Variants in PGM1 observed in about 807,000 individuals in gnomAD.
PGM1 encodes the protein phosphoglucomutase-1.
PGM1 carries 52 observed loss-of-function variants against 55.6 expected under a neutral mutation model. The ratio of observed to expected loss-of-function variants is 0.94; its 90% CI spans 0.75 to 1.18. The LOEUF (loss-of-function observed/expected upper bound fraction) is 1.18. Ranked by LOEUF, PGM1 falls within the 50% of genes most tolerant of loss-of-function variation. The pLI, the probability that PGM1 is intolerant of heterozygous loss-of-function variation, is 0.00. For synonymous variants in PGM1, 287 were observed against 271.7 expected, an observed-to-expected ratio of 1.06 and a Z score of -0.55; for missense variants, 724 against 729.3, an observed-to-expected ratio of 0.99 and a Z score of 0.08.
chr1:63,618,065 C>T (rs2100972596), intron 1 of PGM1, among the ~76,000 whole-genome samples: 1 of 152,288 alleles, frequency 6.6e-6, no homozygotes, highest in South Asian at 2.1e-4. Flanking sequence ...ACCCTGGTTT[C>T]AGAACTATCT....
intron 4 of PGM1, 56 bp from the exon 5 acceptor site, chr1:63,634,773 A>G: frequency 6.9e-7 from 1 of 1,457,890 alleles, no homozygotes. Context: ...ATCCTCACAT[A>G]CTTTAAGGAG....
chr1:63,631,339 T>C (rs1159632131), intron 3 of PGM1, among the ~76,000 whole-genome samples: 1 of 152,236 alleles, frequency 6.6e-6, no homozygotes, highest in East Asian at 1.9e-4. Flanking sequence ...GCAGAATTTA[T>C]ACAACCTCTG....
chr1:63,617,869 AGT>A, intron 1 of PGM1, among the ~76,000 whole-genome samples: 1 of 147,974 alleles, frequency 6.8e-6, no homozygotes, highest in Middle Eastern at 3.5e-3. Flanking sequence ...TAGGTTTCTC[AGT>A]GTGTGTGGTT....
Position 63,593,662 on chromosome 1 carries a change from G to A in PGM1, c.174G>A (p.Val58=), listed in dbSNP as rs776880774. 12 of 1,608,730 alleles carry A rather than the reference G, an allele frequency of 7.5e-6. No homozygotes were observed. Among genetic ancestry groups the A allele is most frequent in the African/African-American group, 1.3e-5 (1 of 74,868 alleles). The part of the protein sequence containing the change: ...EPAQRQEATL[V]VGGDGRFYMK... The stretch of plus-strand genomic sequence containing the variant: ...CGCAGCGGCAGGAGGCCACGCTGGT[G>A]GTGGGCGGGGACGGCCGGTTCTACA... Residue 58 remains valine, a synonymous_variant, in exon 1 of 11, where the codon GTG becomes GTA. Transcript: ENST00000371084.
intron 1 of PGM1, among the ~76,000 whole-genome samples, chr1:63,613,703 CTTTTTTTT>C (rs56355869): frequency 8.2e-6 from 1 of 121,576 alleles, no homozygotes; most frequent in African/African-American, 3.1e-5. Context: ...TTCAATGTAT[CTTTTTTTT>C]TTTTTTTTTT....
At chr1:63,654,879 C>A (rs1407753542) in intron 10 of PGM1, among the ~76,000 whole-genome samples, 1 of 152,026 alleles carries the variant, frequency 6.6e-6, no homozygotes, top group Non-Finnish European at 1.5e-5. Flanking sequence ...GACTGTTATT[C>A]TCCCTGCTAC....
intron 9 of PGM1, among the ~76,000 whole-genome samples, chr1:63,652,492 G>A (rs1649835621): frequency 6.6e-6 from 1 of 152,170 alleles, no homozygotes; most frequent in African/African-American, 2.4e-5. Flanking sequence ...GGTACCCTAG[G>A]CTGCAGGCTG....
rs1649138062 is a variant in PGM1, at chr1:63,629,582, A to T, written c.404A>T (p.Asn135Ile). 1.2e-6 allele frequency: 2 copies of T among 1,613,676 alleles called. No individual in the cohort carries two copies. Among genetic ancestry groups the T allele is most frequent in the Non-Finnish European group, 1.7e-6 (2 of 1,179,678 alleles). Residue 135 changes from asparagine (N) to isoleucine (I), a missense_variant, in exon 2 of 11, where the codon AAT becomes ATT. Asn to Ile is a moderately radical substitution (Grantham distance 149). Coordinates refer to ENST00000371084, the MANE Select transcript of PGM1 (RefSeq NM_002633.3). ...TTTGGAATCAAATTCAATATTTCTA[A>T]TGGAGGTGAGTTTGCTGTCATTTTG... ...GDFGIKFNIS[N>I]GGPAPEAITD...
At chr1:63,643,548 G>A (rs1326016702) in intron 7 of PGM1, among the ~76,000 whole-genome samples, 1 of 152,196 alleles carries the variant, frequency 6.6e-6, no homozygotes, top group South Asian at 2.1e-4. Flanking sequence ...GGGGACTGGA[G>A]TGGTCTGGAG....
intron 7 of PGM1, among the ~76,000 whole-genome samples, chr1:63,647,494 C>T (rs1169634564): frequency 6.8e-6 from 1 of 147,804 alleles, no homozygotes; most frequent in African/African-American, 2.5e-5. Flanking sequence ...TATTTATCAC[C>T]CCTAAGATTT....
chr1:63,612,447 A>G (rs1464675478), intron 1 of PGM1, among the ~76,000 whole-genome samples: 2 of 152,218 alleles, frequency 1.3e-5, no homozygotes, highest in Non-Finnish European at 2.9e-5. Flanking sequence ...ATACATTTAT[A>G]GACGCAAAAA....
chr1:63,605,007 T>C (rs1223126040), intron 1 of PGM1, among the ~76,000 whole-genome samples: 1 of 151,748 alleles, frequency 6.6e-6, no homozygotes, highest in Non-Finnish European at 1.5e-5. Context: ...GACCAGTCAC[T>C]AGCCATAGGA....
chr1:63,600,943 A>T (rs1318646516), intron 1 of PGM1, among the ~76,000 whole-genome samples: 1 of 152,118 alleles, frequency 6.6e-6, no homozygotes, highest in Non-Finnish European at 1.5e-5. Flanking sequence ...TTTAACAATA[A>T]TTTTTTTCTC....
At chr1:63,655,150 T>C (rs1325687915) in intron 10 of PGM1, among the ~76,000 whole-genome samples, 1 of 151,864 alleles carries the variant, frequency 6.6e-6, no homozygotes, top group Non-Finnish European at 1.5e-5. Flanking sequence ...CTTTTTTTTT[T>C]TTTTCTTTTT....
At chr1:63,636,446 C>G (rs1649366652) in intron 6 of PGM1, 58 bp downstream of exon 6, 1 of 1,505,606 alleles carries the variant, frequency 6.6e-7, no homozygotes, top group African/African-American at 1.4e-5. Context: ...CTTCACCATA[C>G]CCTTCACTGT....
chr1:63,640,511 A>T (rs1220065561), intron 7 of PGM1, among the ~76,000 whole-genome samples: 2 of 152,216 alleles, frequency 1.3e-5, no homozygotes, highest in Non-Finnish European at 2.9e-5. Flanking sequence ...AATAATTATG[A>T]TGATATGATA....
rs10629750 is a variant in PGM1 at position 63,656,571 on chromosome 1, GGTGTGTGTGTGTGT to G, written c.1599+2128_1599+2141del. ...ATCTACAGATGAATGAAGACATTGT[GGTGTGTGTGTGTGT>G]GTGTGTGTGTGTGTGTGTGTGTATA... On this transcript the variant is annotated intron_variant, in intron 10 of 10. Transcript: ENST00000371084. Among the ~76,000 whole-genome samples the G allele has an allele frequency of 2.1e-4, 30 of 144,340 alleles. 1 individual carries two copies. The highest frequency in any genetic ancestry group is 5.4e-4 in the Admixed American group (8 of 14,786). The allele number at this position is 144,340 out of a possible 152,430, so 94.7% of individuals were successfully genotyped here.
intron 4 of PGM1, among the ~76,000 whole-genome samples, chr1:63,633,918 G>A (rs12137226): frequency 0.51 from 13,403 of 26,282 alleles, 1,679 homozygotes; most frequent in East Asian, 0.57. Context: ...GTGTGTGTGT[G>A]TATATATATA....
chr1:63,631,917 G>GAGCA, intron 4 of PGM1, 135 bp downstream of exon 4: 1 of 861,786 alleles, frequency 1.2e-6, no homozygotes, highest in East Asian at 2.4e-5. Flanking sequence ...TTTGCAACCA[G>GAGCA]AGCAATATTC....
Sources: gnomAD v4.1 joint callset for allele counts (sites outside exome capture counted in the v4.1 genomes callset) on GRCh38, gnomAD v4.1.1 for gene constraint, MANE v1.5 for transcripts, NCBI Gene and HGNC (gene_info 2026-07-23, HGNC 2026-07-21) for gene names.